Variants in RNF24 observed in about 807,000 individuals in gnomAD.
The protein encoded by RNF24 is ring finger protein 24.
RNF24 carries 14 observed loss-of-function variants against 20.0 expected under a neutral mutation model. The ratio of observed to expected loss-of-function variants is 0.70; its 90% CI spans 0.46 to 1.10. The LOEUF is 1.10. Among genes scored for constraint, RNF24 ranks in the 50% least tolerant of loss-of-function variants. RNF24 has a pLI of 0.00. For missense variants in RNF24, 124 were observed against 177.6 expected, an observed-to-expected ratio of 0.70 and a Z score of 1.71; for synonymous variants, 45 against 61.1, an observed-to-expected ratio of 0.74 and a Z score of 1.23.
In RNF24 at chr20:3,997,946, T is replaced by G. The variant is rs1003418729; in HGVS notation, c.-8+17491A>C. ...TGCCCCACTTTTCAGAGGAAGAGATTGAGGCACACAGACGCTGGGTTTTCA... is the reference window on the plus strand; with the variant it reads ...TGCCCCACTTTTCAGAGGAAGAGATGGAGGCACACAGACGCTGGGTTTTCA... On this transcript the variant is annotated intron_variant, in intron 1 of 5. Coordinates refer to ENST00000358395, the MANE Select transcript of RNF24 (RefSeq NM_001134337.3). Among the ~76,000 whole-genome samples the G allele has an allele frequency of 3.3e-5, 5 of 152,344 alleles. No homozygotes were observed. In the South Asian group the frequency reaches 1.0e-3, roughly 32 times the overall value.
chr20:3,997,738 C>G (rs1410220079), intron 1 of RNF24, among the ~76,000 whole-genome samples: 1 of 152,152 alleles, frequency 6.6e-6, no homozygotes, highest in Non-Finnish European at 1.5e-5. Flanking sequence ...AAAAATATGG[C>G]TTTTGCTAAG....
intron 1 of RNF24, among the ~76,000 whole-genome samples, chr20:4,010,190 T>C (rs1034658771): frequency 2.0e-5 from 3 of 151,788 alleles, no homozygotes; most frequent in South Asian, 2.1e-4. Flanking sequence ...CTGACCAACA[T>C]AGTGAAACCC....
Position 3,934,892 on chromosome 20 carries a change from T to C in RNF24, c.308+102A>G, listed in dbSNP as rs563391656. The C allele has an allele frequency of 3.4e-6, 3 of 871,244 alleles. No homozygotes were observed. The highest frequency in any genetic ancestry group is 3.3e-5 in the African/African-American group (2 of 60,968). 54.0% of individuals were successfully genotyped at this position (871,244 alleles called of 1,614,324 possible). On this transcript the variant is annotated intron_variant, in intron 5 of 5. Coordinates refer to ENST00000358395, the MANE Select transcript of RNF24 (RefSeq NM_001134337.3). The surrounding 1 kb of genome is among the most constrained non-coding windows in gnomAD (Gnocchi z 4.0). ...AGCTTTCTGCATTACAGACCAATCA[T>C]GAAGCCATCAAGCTTGTCTGGCACT...
intron 2 of RNF24, among the ~76,000 whole-genome samples, chr20:3,953,237 C>T (rs566879556): frequency 2.6e-5 from 4 of 152,192 alleles, no homozygotes; most frequent in East Asian, 3.9e-4. Flanking sequence ...CTGCAAGCTC[C>T]GCCTCCTGGG....
intron 1 of RNF24, among the ~76,000 whole-genome samples, chr20:3,980,847 T>C (rs538003044): frequency 1.3e-5 from 2 of 152,010 alleles, no homozygotes; most frequent in South Asian, 4.2e-4. Context: ...TCCAGCTCTA[T>C]ACAGAAAAAG....
intron 1 of RNF24, among the ~76,000 whole-genome samples, chr20:4,000,226 A>G (rs1981275548): frequency 6.6e-6 from 1 of 152,194 alleles, no homozygotes; most frequent in African/African-American, 2.4e-5. Flanking sequence ...ACAATCATCA[A>G]AAACGGTATT....
At chr20:3,936,699 G>A (rs1043105668) in intron 4 of RNF24, among the ~76,000 whole-genome samples, 2 of 152,164 alleles carry the variant, frequency 1.3e-5, no homozygotes, top group African/African-American at 2.4e-5. Context: ...TCTCAGCCCC[G>A]CCTTCCGACA....
At chr20:3,998,435 C>T (rs2147059925) in intron 1 of RNF24, among the ~76,000 whole-genome samples, 1 of 152,064 alleles carries the variant, frequency 6.6e-6, no homozygotes, top group African/African-American at 2.4e-5. Context: ...ATTAGCCAGG[C>T]ATGGTGGGAC....
At chr20:3,997,320 C>T (rs1980965378) in intron 1 of RNF24, among the ~76,000 whole-genome samples, 1 of 151,756 alleles carries the variant, frequency 6.6e-6, no homozygotes, top group African/African-American at 2.4e-5. Flanking sequence ...TGAAACCTTC[C>T]AATATACTGA....
chr20:3,982,102 C>T (rs938363289), intron 1 of RNF24, among the ~76,000 whole-genome samples: 1 of 78,256 alleles, frequency 1.3e-5, no homozygotes, highest in African/African-American at 7.2e-5. Context: ...GGTGAGACCT[C>T]GTCTCTCTCT....
At chr20:4,012,847 T>A (rs1434472288) in intron 1 of RNF24, among the ~76,000 whole-genome samples, 1 of 152,214 alleles carries the variant, frequency 6.6e-6, no homozygotes, top group African/African-American at 2.4e-5. Context: ...TGCAAGCTTA[T>A]TTCAGTGATA....
At chr20:3,999,839 C>G (rs1981240409) in intron 1 of RNF24, among the ~76,000 whole-genome samples, 1 of 152,210 alleles carries the variant, frequency 6.6e-6, no homozygotes, top group South Asian at 2.1e-4. Context: ...TCTCTAAGAG[C>G]CTTAAGATAA....
At chr20:3,978,849 T>TA (rs1194438935) in intron 1 of RNF24, among the ~76,000 whole-genome samples, 1 of 152,112 alleles carries the variant, frequency 6.6e-6, no homozygotes, top group East Asian at 1.9e-4. Context: ...CTCATGCCTG[T>TA]AATCCCAGCA....
chr20:4,006,147 C>T (rs924347578), intron 1 of RNF24, among the ~76,000 whole-genome samples: 2 of 152,178 alleles, frequency 1.3e-5, no homozygotes, highest in African/African-American at 2.4e-5. Flanking sequence ...GAGGCTGAGG[C>T]GGGTAGAACA....
chr20:3,970,334 T>C (rs1264253062), intron 1 of RNF24, among the ~76,000 whole-genome samples: 3 of 152,106 alleles, frequency 2.0e-5, no homozygotes, highest in Non-Finnish European at 4.4e-5. Context: ...AACCCACCGT[T>C]TCACTGTCAG....
At chr20:3,991,920 G>A (rs1980471413) in intron 1 of RNF24, among the ~76,000 whole-genome samples, 1 of 150,636 alleles carries the variant, frequency 6.6e-6, no homozygotes, top group African/African-American at 2.4e-5. Flanking sequence ...GAATATGTGT[G>A]GCTATATACA....
chr20:3,958,021 A>G (rs1034665400), intron 2 of RNF24, among the ~76,000 whole-genome samples: 1 of 152,102 alleles, frequency 6.6e-6, no homozygotes, highest in Non-Finnish European at 1.5e-5. Context: ...GTGTTACCCT[A>G]TCACTTCCTC....
Position 3,930,670 on chromosome 20 carries a change from CCT to C in RNF24, c.*3391_*3392del, listed in dbSNP as rs1452273793. ...GATGTATTTCATAATGCCCAAAAAGCCTCTGAGAAAAATAATTCCTAGTTGTT... is the reference window on the plus strand; with the variant it reads ...GATGTATTTCATAATGCCCAAAAAGCCTGAGAAAAATAATTCCTAGTTGTT... On this transcript the variant is annotated 3_prime_UTR_variant, in exon 6 of 6. Transcript: ENST00000358395. 6.6e-6 allele frequency: 1 copy of C among 152,218 alleles called. No homozygotes were observed. Among genetic ancestry groups the C allele is most frequent in the Non-Finnish European group, 1.5e-5 (1 of 68,084 alleles). 9.4% of individuals were successfully genotyped at this position (152,218 alleles called of 1,614,324 possible).
At chr20:3,945,627 T>C (rs549441469) in intron 3 of RNF24, among the ~76,000 whole-genome samples, 1 of 151,818 alleles carries the variant, frequency 6.6e-6, no homozygotes, top group Admixed American at 6.6e-5. Context: ...AGGCAGGAGA[T>C]TCACTTGAAC....
Sources: gnomAD v4.1 joint callset for allele counts (sites outside exome capture counted in the v4.1 genomes callset) on GRCh38, gnomAD v4.1.1 for gene constraint, Gnocchi (gnomAD v3.1) non-coding constraint, MANE v1.5 for transcripts, NCBI Gene and HGNC (gene_info 2026-07-23, HGNC 2026-07-21) for gene names.